Variants in NHS observed in about 807,000 individuals in gnomAD.
NHS encodes NHS actin remodeling regulator, also known as actin remodeling regulator NHS.
In NHS, 5 loss-of-function variants were observed where a neutral mutation model predicts 72.5. The ratio of observed to expected loss-of-function variants is 0.07; its 90% CI spans 0.04 to 0.14. NHS has a LOEUF of 0.14. NHS is among the 10% of genes least tolerant of loss of function. NHS has a pLI of 1.00. For missense variants in NHS, 1,072 were observed against 1,355.7 expected, an observed-to-expected ratio of 0.79 and a Z score of 3.29; for synonymous variants, 464 against 547.7, an observed-to-expected ratio of 0.85 and a Z score of 2.13.
chrX:17,447,383 T>A (rs970182828), intron 1 of NHS, among the ~76,000 whole-genome samples: 4 of 109,144 alleles, frequency 3.7e-5, no homozygotes, highest in African/African-American at 1.4e-4. Context: ...CTAGCACCTG[T>A]GAGCGTTGGT....
At chrX:17,522,952 G>A (rs1219591178) in intron 1 of NHS, among the ~76,000 whole-genome samples, 1 of 111,375 alleles carries the variant, frequency 9.0e-6, no homozygotes, top group Non-Finnish European at 1.9e-5. Flanking sequence ...GGTTTGCACT[G>A]GTGTATGGTT....
At chrX:17,416,117 A>G (rs2064592958) in intron 1 of NHS, among the ~76,000 whole-genome samples, 1 of 111,429 alleles carries the variant, frequency 9.0e-6, no homozygotes, top group African/African-American at 3.3e-5. Flanking sequence ...GGGTGGACAT[A>G]CACTGATAAA....
At chrX:17,483,522 G>T in intron 1 of NHS, among the ~76,000 whole-genome samples, 1 of 112,263 alleles carries the variant, frequency 8.9e-6, no homozygotes, top group Non-Finnish European at 1.9e-5. Flanking sequence ...AAAAATATCT[G>T]TTTGTGGCTC....
At chrX:17,473,067 A>G (rs2064899085) in intron 1 of NHS, among the ~76,000 whole-genome samples, 1 of 112,281 alleles carries the variant, frequency 8.9e-6, no homozygotes, top group Non-Finnish European at 1.9e-5. Flanking sequence ...ACAGAATATC[A>G]AGACTGTCGA....
Position 17,725,520 on chromosome X carries a change from A to C in NHS, c.1414A>C (p.Ile472Leu), listed in dbSNP as rs779619537. ...RRIRAQRGQS[I>L]AASLSHSAGN... ...AATCAGAGCTCAAAGGGGTCAAAGC[A>C]TTGCAGCTTCCCTTTCTCATTCTGC... The change falls in exon 7 of 9, where the codon ATT (isoleucine) becomes CTT (leucine). Residue 472 changes from isoleucine to leucine, a missense_variant. Ile to Leu is a conservative substitution (Grantham distance 5, BLOSUM62 2). Coordinates refer to ENST00000676302, the MANE Select transcript of NHS (RefSeq NM_001291867.2). 2 of 1,211,457 alleles carry C rather than the reference A, an allele frequency of 1.7e-6. No individual in the cohort carries two copies. Among genetic ancestry groups the C allele is most frequent in the Non-Finnish European group, 2.2e-6 (2 of 895,479 alleles).
chrX:17,672,890 A>G (rs912299743), intron 1 of NHS, among the ~76,000 whole-genome samples: 1 of 111,676 alleles, frequency 9.0e-6, no homozygotes, highest in African/African-American at 3.3e-5. Flanking sequence ...TGGTTGGCAC[A>G]TGGGAAGTCC....
chrX:17,718,479 AAAGG>A (rs1271997166), intron 3 of NHS, among the ~76,000 whole-genome samples: 1 of 92,801 alleles, frequency 1.1e-5, no homozygotes, highest in Non-Finnish European at 2.2e-5. Context: ...GAGAAGGAAG[AAAGG>A]AAGGAAGGGA....
intron 1 of NHS, among the ~76,000 whole-genome samples, chrX:17,530,772 A>T (rs1190399496): frequency 9.0e-6 from 1 of 111,250 alleles, no homozygotes; most frequent in Non-Finnish European, 1.9e-5. Context: ...GAGAATCTGC[A>T]TTTCATCCTT....
At chrX:17,436,800 A>G (rs1052661811) in intron 1 of NHS, among the ~76,000 whole-genome samples, 2 of 110,748 alleles carry the variant, frequency 1.8e-5, no homozygotes, top group Non-Finnish European at 3.8e-5. Context: ...CAAGAAGTCC[A>G]GGAGAGTCAC....
intron 3 of NHS, among the ~76,000 whole-genome samples, chrX:17,703,016 C>T (rs758251105): frequency 3.6e-5 from 4 of 110,858 alleles, no homozygotes; most frequent in Non-Finnish European, 5.7e-5. Context: ...TACCTGTAAT[C>T]CCAACACTTT....
At position 17,681,001 on chromosome X, in the gene NHS, C is replaced by T. The variant is rs185799502; in HGVS notation, c.566-6741C>T. On this transcript the variant is annotated intron_variant, in intron 1 of 8. Transcript: ENST00000676302. ...TGCCACTGGCTCAGAGAGTTAGGAT[C>T]GCTGAGTCATTACACTAAATGCTGT... Among the ~76,000 whole-genome samples, 227 of 111,899 alleles carry T rather than the reference C, an allele frequency of 2.0e-3. 1 individual carries two copies. Among genetic ancestry groups the T allele is most frequent in the Middle Eastern group, 0.014 (3 of 217 alleles).
chrX:17,398,556 G>A (rs910042825), intron 1 of NHS, among the ~76,000 whole-genome samples: 3 of 112,346 alleles, frequency 2.7e-5, no homozygotes, highest in Non-Finnish European at 3.8e-5. Context: ...ATAATTCTAT[G>A]AGTTGGCAAT....
At chrX:17,655,241 G>A (rs1033462325) in intron 1 of NHS, among the ~76,000 whole-genome samples, 4 of 112,214 alleles carry the variant, frequency 3.6e-5, no homozygotes, top group Non-Finnish European at 7.5e-5. Context: ...ATAGACTAGG[G>A]ATAAGGGAGG....
rs1336639728 is a variant in NHS at position 17,376,336 on chromosome X, C to T, written c.565+14C>T. On this transcript the variant is annotated intron_variant, in intron 1 of 8. Transcript: ENST00000676302. ...AGGAGGCAGTGCGTGAGTACCCGCG[C>T]CGTCCGCCCGCCAGGCTATGGGTTT... 8 of 1,138,509 alleles carry T rather than the reference C, an allele frequency of 7.0e-6. No individual in the cohort carries two copies. In the South Asian group the frequency reaches 1.1e-4, roughly 16 times the overall value. 93.8% of individuals were successfully genotyped at this position (1,138,509 alleles called of 1,213,427 possible).
chrX:17,523,256 A>T (rs1351850716), intron 1 of NHS, among the ~76,000 whole-genome samples: 1 of 111,687 alleles, frequency 9.0e-6, no homozygotes, highest in Non-Finnish European at 1.9e-5. Context: ...GCCTGGCAGG[A>T]CTCAGGCCTG....
rs1459746013 is a variant in NHS, at chrX:17,666,387, T to C, written c.566-21355T>C. On this transcript the variant is annotated intron_variant, in intron 1 of 8. Coordinates refer to ENST00000676302, the MANE Select transcript of NHS (RefSeq NM_001291867.2). ...TAGGTGAAACAAATTTGATAAAGAATGGAGCTAGGACCAAGTAGGGAAAGG... is the reference window on the plus strand; with the variant it reads ...TAGGTGAAACAAATTTGATAAAGAACGGAGCTAGGACCAAGTAGGGAAAGG... Among the ~76,000 whole-genome samples the C allele has an allele frequency of 2.7e-5, 3 of 110,618 alleles. No homozygotes were observed. In the Admixed American group the frequency reaches 2.8e-4, roughly 10 times the overall value.
chrX:17,447,001 A>C (rs939330627), intron 1 of NHS, among the ~76,000 whole-genome samples: 6 of 112,226 alleles, frequency 5.3e-5, no homozygotes, highest in African/African-American at 1.6e-4. Context: ...ATAAAAATGC[A>C]ATCAGTAAGT....
chrX:17,560,017 A>T (rs1001355927), intron 1 of NHS, among the ~76,000 whole-genome samples: 1 of 112,064 alleles, frequency 8.9e-6, no homozygotes, highest in Non-Finnish European at 1.9e-5. Flanking sequence ...ATTTATATTT[A>T]AAAAAACATA....
chrX:17,530,087 C>G (rs1253007261), intron 1 of NHS, among the ~76,000 whole-genome samples: 2 of 110,606 alleles, frequency 1.8e-5, no homozygotes, highest in Non-Finnish European at 3.8e-5. Flanking sequence ...TTTCCCTGCA[C>G]TGACTCCAAG....
Sources: gnomAD v4.1 joint callset for allele counts (sites outside exome capture counted in the v4.1 genomes callset) on GRCh38, gnomAD v4.1.1 for gene constraint, MANE v1.5 for transcripts, NCBI Gene and HGNC (gene_info 2026-07-23, HGNC 2026-07-21) for gene names.